Variants in CXCR5 observed in about 807,000 individuals in gnomAD.
CXCR5 encodes C-X-C motif chemokine receptor 5, also known as C-X-C chemokine receptor type 5.
CXCR5 carries 3 observed loss-of-function variants against 5.6 expected under a neutral mutation model. That is an observed-to-expected ratio of 0.54 (90% confidence interval 0.24 to 1.39). CXCR5 has a LOEUF of 1.39. Among genes scored for constraint, CXCR5 ranks in the 40% most tolerant of loss-of-function variants. The pLI, the probability that CXCR5 is intolerant of heterozygous loss-of-function variation, is 0.16. For synonymous variants in CXCR5, 218 were observed against 219.9 expected (o/e 0.99, Z 0.08); for missense variants, 333 against 494.6 (o/e 0.67, Z 3.10).
At chr11:118,887,866 A>G (rs1327908947) in intron 1 of CXCR5, 1 of 152,282 alleles carries the variant, frequency 6.6e-6, no homozygotes, top group Non-Finnish European at 1.5e-5. Context: ...CAGAGCAATG[A>G]CTGGCGTCTG....
chr11:118,885,640 C>T (rs759234593), intron 1 of CXCR5, among the ~76,000 whole-genome samples: 4 of 152,336 alleles, frequency 2.6e-5, no homozygotes, highest in South Asian at 2.1e-4. Flanking sequence ...TAGTAACCAA[C>T]TGGAGACCCG....
In CXCR5 at chr11:118,894,456, C is replaced by A. The variant is rs187389271; in HGVS notation, c.912C>A (p.Ile304=). 12 of 1,613,768 alleles carry A rather than the reference C, an allele frequency of 7.4e-6. No homozygotes were observed. In the East Asian group the frequency reaches 2.5e-4, roughly 33 times the overall value. The change falls in exon 2 of 2, where the codon ATC becomes ATA. Residue 304 remains isoleucine, a synonymous_variant. Transcript: ENST00000292174. The surrounding 1 kb of genome is among the most constrained non-coding windows in gnomAD (Gnocchi z 6.1). Reference sequence around the variant, plus strand: ...TGAATGGCTCTCTCCCCGTGGCCATCACCATGTGTGAGTTCCTGGGCCTGG... The same window carrying A: ...TGAATGGCTCTCTCCCCGTGGCCATAACCATGTGTGAGTTCCTGGGCCTGG... ...CKLNGSLPVA[I]TMCEFLGLAH... is the part of the protein sequence containing the mutation.
rs765217628 is a variant in CXCR5 at position 118,894,696 on chromosome 11, T to C, written c.*33T>C. The C allele has an allele frequency of 1.8e-5, 27 of 1,503,382 alleles. No individual in the cohort carries two copies. In the South Asian group the frequency reaches 3.5e-4, roughly 19 times the overall value. 93.1% of individuals were successfully genotyped at this position (1,503,382 alleles called of 1,614,324 possible). A position where few individuals can be genotyped will look rare whatever the true frequency, so the allele number is the denominator to read the frequency against. On this transcript the variant is annotated 3_prime_UTR_variant, in exon 2 of 2. Coordinates refer to ENST00000292174, the MANE Select transcript of CXCR5 (RefSeq NM_001716.5). This position sits in a 1 kb window ranked among gnomAD's most constrained non-coding sequence, Gnocchi z 6.1. The stretch of plus-strand genomic sequence containing the variant: ...TGTCCCCTTTTATTGCTGCTTTTCC[T>C]TGGGGCAGGCAGTGATGCTGGATGC...
chr11:118,891,076 C>CA (rs1443180980), intron 1 of CXCR5, among the ~76,000 whole-genome samples: 1 of 152,028 alleles, frequency 6.6e-6, no homozygotes, highest in African/African-American at 2.4e-5. Context: ...CACTATCTAT[C>CA]AAAAAACAAA....
At chr11:118,885,140 G>A (rs1447772321) in intron 1 of CXCR5, among the ~76,000 whole-genome samples, 3 of 152,052 alleles carry the variant, frequency 2.0e-5, no homozygotes, top group Admixed American at 6.5e-5. Flanking sequence ...CCCGCCTCTC[G>A]CTTGCCCAGA....
Position 118,894,878 on chromosome 11 carries a change from C to T in CXCR5, c.*215C>T, listed in dbSNP as rs370675743. 3.9e-4 allele frequency: 185 copies of T among 474,528 alleles called. No individual in the cohort carries two copies. Among genetic ancestry groups the T allele is most frequent in the Middle Eastern group, 1.7e-3 (3 of 1,780 alleles). The allele number at this position is 474,528 out of a possible 1,614,324, so 29.4% of individuals were successfully genotyped here. A position where few individuals can be genotyped will look rare whatever the true frequency, so the allele number is the denominator to read the frequency against. The stretch of plus-strand genomic sequence containing the variant: ...TGGGGCTAGGCTGGAGCCCAGGGAG[C>T]GGAAAGCAGCTCAAAGGCACAGTGA... On this transcript the variant is annotated 3_prime_UTR_variant, in exon 2 of 2. Transcript: ENST00000292174. This position sits in a 1 kb window ranked among gnomAD's most constrained non-coding sequence, Gnocchi z 6.1.
intron 1 of CXCR5, among the ~76,000 whole-genome samples, chr11:118,885,363 C>G (rs924982885): frequency 6.6e-6 from 1 of 152,240 alleles, no homozygotes; most frequent in Admixed American, 6.5e-5. Flanking sequence ...AAGGCAACAG[C>G]AGAGCACTAA....
intron 1 of CXCR5, among the ~76,000 whole-genome samples, chr11:118,890,197 G>A (rs920290762): frequency 6.6e-6 from 1 of 152,234 alleles, no homozygotes; most frequent in Non-Finnish European, 1.5e-5. Flanking sequence ...GCAGAATGCA[G>A]AAGATTACGG....
chr11:118,884,589 G>A (rs900357433), intron 1 of CXCR5, among the ~76,000 whole-genome samples: 27 of 152,224 alleles, frequency 1.8e-4, no homozygotes, highest in Non-Finnish European at 2.5e-4. Flanking sequence ...AGACCAGATG[G>A]TAGCAAGGAA....
At chr11:118,892,617 CAT>C (rs965665595) in intron 1 of CXCR5, among the ~76,000 whole-genome samples, 6 of 146,878 alleles carry the variant, frequency 4.1e-5, no homozygotes, top group South Asian at 2.1e-4. Flanking sequence ...AAAACAGGCA[CAT>C]GTCTTCCTTT....
chr11:118,894,512 C>G lies in CXCR5; in HGVS notation c.968C>G (p.Thr323Ser). ...TGCTGCCTCAACCCCATGCTCTACA[C>G]TTTCGCCGGCGTGAAGTTCCGCAGT... ...AHCCLNPMLYTFAGVKFRSDL... is the reference protein window; with the variant it reads ...AHCCLNPMLYSFAGVKFRSDL... The change falls in exon 2 of 2, where the codon ACT (threonine) becomes AGT (serine). Residue 323 changes from threonine to serine, a missense_variant. Physicochemically the swap from Thr to Ser is moderately conservative, Grantham distance 58. Transcript: ENST00000292174. The surrounding 1 kb of genome is among the most constrained non-coding windows in gnomAD (Gnocchi z 6.1). 1 of 1,594,486 alleles carries G rather than the reference C, an allele frequency of 6.3e-7. No individual in the cohort carries two copies. The highest frequency in any genetic ancestry group is 8.6e-7 in the Non-Finnish European group (1 of 1,168,028).
chr11:118,884,814 C>G (rs1565604150), intron 1 of CXCR5, among the ~76,000 whole-genome samples: 1 of 152,158 alleles, frequency 6.6e-6, no homozygotes, highest in African/African-American at 2.4e-5. Flanking sequence ...ACTGGGCTCC[C>G]AGAAGATGTG....
intron 1 of CXCR5, among the ~76,000 whole-genome samples, chr11:118,890,434 A>G (rs1939789682): frequency 6.6e-6 from 1 of 152,098 alleles, no homozygotes; most frequent in South Asian, 2.1e-4. Flanking sequence ...TAAGGAGAAG[A>G]GAGAATTCCA....
At position 118,897,753 on chromosome 11, in the gene CXCR5, T is replaced by C; in HGVS notation, c.*3090T>C. On this transcript the variant is annotated 3_prime_UTR_variant, in exon 2 of 2. Transcript: ENST00000292174. Reference sequence around the variant, plus strand: ...TGAAGAAGGGGGGAAGGGTTTCTTTTATCCTTTTTTTTTTGTGTGACTTCT... The same window carrying C: ...TGAAGAAGGGGGGAAGGGTTTCTTTCATCCTTTTTTTTTTGTGTGACTTCT... The C allele has an allele frequency of 2.3e-6, 1 of 437,178 alleles. No individual in the cohort carries two copies. The highest frequency in any genetic ancestry group is 4.5e-6 in the Non-Finnish European group (1 of 221,440). 27.1% of individuals were successfully genotyped at this position (437,178 alleles called of 1,614,324 possible).
chr11:118,887,877 T>C (rs1322609286), intron 1 of CXCR5: 1 of 152,316 alleles, frequency 6.6e-6, no homozygotes, highest in Non-Finnish European at 1.5e-5. Flanking sequence ...CTGGCGTCTG[T>C]GTGCAGACAC....
rs1591970952 is a variant in CXCR5, at chr11:118,897,524, T to C, written c.*2861T>C. 2 of 338,002 alleles carry C rather than the reference T, an allele frequency of 5.9e-6. No individual in the cohort carries two copies. Among genetic ancestry groups the C allele is most frequent in the South Asian group, 2.2e-5 (1 of 44,494 alleles). The allele number at this position is 338,002 out of a possible 1,614,324, so 20.9% of individuals were successfully genotyped here. On this transcript the variant is annotated 3_prime_UTR_variant, in exon 2 of 2. Coordinates refer to ENST00000292174, the MANE Select transcript of CXCR5 (RefSeq NM_001716.5). ...CTCAGCAGCAGACAGGCTGCCGCCCTGGGGGTCTCAGCCCTGCTAGGGCTC... is the reference window on the plus strand; with the variant it reads ...CTCAGCAGCAGACAGGCTGCCGCCCCGGGGGTCTCAGCCCTGCTAGGGCTC...
At chr11:118,890,603 CG>C (rs1025267118) in intron 1 of CXCR5, among the ~76,000 whole-genome samples, 1 of 151,680 alleles carries the variant, frequency 6.6e-6, no homozygotes, top group Non-Finnish European at 1.5e-5. Context: ...GGGGAAAGGC[CG>C]GGGGGTGGTC....
intron 1 of CXCR5, chr11:118,887,392 G>A: frequency 1.0e-6 from 1 of 985,418 alleles, no homozygotes; most frequent in Non-Finnish European, 1.2e-6. Flanking sequence ...GTGTGACTCT[G>A]TATCCAAAGG....
At chr11:118,884,856 A>T (rs1939686425) in intron 1 of CXCR5, among the ~76,000 whole-genome samples, 1 of 152,172 alleles carries the variant, frequency 6.6e-6, no homozygotes, top group Non-Finnish European at 1.5e-5. Context: ...CCAGAGAAAC[A>T]CAGGGTTCCT....
Sources: allele counts gnomAD v4.1 joint callset (sites outside exome capture counted in the v4.1 genomes callset), GRCh38; gene constraint gnomAD v4.1.1; non-coding constraint Gnocchi (gnomAD v3.1); transcripts MANE v1.5; gene names NCBI Gene and HGNC (gene_info 2026-07-23, HGNC 2026-07-21).